The following PARD3B variants were observed in gnomAD, a reference collection of about 807,000 sequenced individuals.
The protein encoded by PARD3B is par-3 family cell polarity regulator beta.
A neutral mutation model predicts 130.2 loss-of-function variants in PARD3B; 103 were observed. The observed-to-expected ratio is 0.79, with a 90% confidence interval of 0.67 to 0.93. PARD3B has a LOEUF of 0.93. Ranked by LOEUF, PARD3B falls within the 40% of genes least tolerant of loss-of-function variation. The pLI, the probability that PARD3B is intolerant of heterozygous loss-of-function variation, is 0.00. For synonymous variants in PARD3B, 583 were observed against 553.2 expected (o/e 1.05, Z -0.76); for missense variants, 1,609 against 1,499.2 (o/e 1.07, Z -1.21).
intron 1 of PARD3B, among the ~76,000 whole-genome samples, chr2:204,559,435 A>G (rs945598317): frequency 5.3e-5 from 8 of 152,376 alleles, no homozygotes; most frequent in African/African-American, 1.9e-4. Context: ...GACACATGAA[A>G]TAATGCTTGT....
intron 18 of PARD3B, among the ~76,000 whole-genome samples, chr2:205,374,123 T>A (rs1018955499): frequency 2.7e-5 from 4 of 150,584 alleles, no homozygotes; most frequent in Admixed American, 2.7e-4. Context: ...GGGAAATGTC[T>A]AAGCTTTTCT....
intron 2 of PARD3B, among the ~76,000 whole-genome samples, chr2:204,735,785 C>T (rs1330541994): frequency 6.6e-6 from 1 of 152,092 alleles, no homozygotes; most frequent in South Asian, 2.1e-4. Flanking sequence ...ATAGGGGAAG[C>T]ATGGTGTGTT....
intron 1 of PARD3B, among the ~76,000 whole-genome samples, chr2:204,644,879 A>C (rs182696475): frequency 7.3e-4 from 111 of 152,330 alleles, no homozygotes; most frequent in African/African-American, 2.6e-3. Context: ...AATAAACATA[A>C]ATGGCAAGTA....
intron 2 of PARD3B, among the ~76,000 whole-genome samples, chr2:204,937,854 C>T (rs2125793453): frequency 6.6e-6 from 1 of 152,320 alleles, no homozygotes; most frequent in East Asian, 1.9e-4. Context: ...AATTCTCCTT[C>T]ATAATTAGAA....
chr2:205,025,711 A>AACCAC (rs1696964848), intron 3 of PARD3B, among the ~76,000 whole-genome samples: 1 of 152,058 alleles, frequency 6.6e-6, no homozygotes, highest in African/African-American at 2.4e-5. Flanking sequence ...ATACATAAAT[A>AACCAC]ACCACACGTC....
chr2:205,126,789 T>TAAA (rs2031479097), intron 10 of PARD3B, among the ~76,000 whole-genome samples: 1 of 124,680 alleles, frequency 8.0e-6, no homozygotes, highest in African/African-American at 3.4e-5. Flanking sequence ...AAAAAAAAAT[T>TAAA]GATAATAGCA....
At chr2:205,434,013 A>G (rs373284389) in intron 19 of PARD3B, among the ~76,000 whole-genome samples, 4 of 152,260 alleles carry the variant, frequency 2.6e-5, no homozygotes, top group South Asian at 4.1e-4. Context: ...TCTTTTTTCA[A>G]TTCACCTGAG....
At chr2:205,198,971 T>G (rs372292417) in intron 15 of PARD3B, among the ~76,000 whole-genome samples, 1 of 152,238 alleles carries the variant, frequency 6.6e-6, no homozygotes, top group East Asian at 1.9e-4. Context: ...GATACAACTT[T>G]GACTTAAAGA....
intron 2 of PARD3B, among the ~76,000 whole-genome samples, chr2:204,849,353 GT>G (rs2044610505): frequency 6.6e-6 from 1 of 152,168 alleles, no homozygotes; most frequent in South Asian, 2.1e-4. Flanking sequence ...TGGTAAATAT[GT>G]TTGTAATTAA....
At chr2:204,565,479 T>C (rs984324925) in intron 1 of PARD3B, among the ~76,000 whole-genome samples, 1 of 152,256 alleles carries the variant, frequency 6.6e-6, no homozygotes, top group Non-Finnish European at 1.5e-5. Context: ...ATTAGTTCAC[T>C]GAGTTGTATC....
intron 3 of PARD3B, among the ~76,000 whole-genome samples, chr2:204,995,064 A>C (rs952584820): frequency 1.8e-4 from 27 of 151,248 alleles, no homozygotes; most frequent in Non-Finnish European, 2.8e-4. Context: ...TTAATTGGAG[A>C]ATTTAGTTCA....
intron 19 of PARD3B, among the ~76,000 whole-genome samples, chr2:205,436,564 T>G (rs2047523334): frequency 1.3e-5 from 2 of 152,128 alleles, no homozygotes; most frequent in Admixed American, 6.6e-5. Context: ...TATATTATCT[T>G]CTACGGAAGT....
At chr2:205,390,566 A>C (rs2105976271) in intron 18 of PARD3B, among the ~76,000 whole-genome samples, 1 of 152,292 alleles carries the variant, frequency 6.6e-6, no homozygotes, top group East Asian at 1.9e-4. Flanking sequence ...TATAAAGATA[A>C]GTTTTACTCC....
chr2:205,036,427 A>G, intron 3 of PARD3B, among the ~76,000 whole-genome samples: 1 of 147,952 alleles, frequency 6.8e-6, no homozygotes, highest in Middle Eastern at 3.6e-3. Context: ...ATATAAAAAT[A>G]TATGTATATA....
chr2:205,015,233 TAAGG>T lies in PARD3B; in HGVS notation c.395-32344_395-32341del, dbSNP rs1559356961. Reference sequence around the variant, plus strand: ...AAAGAAAAAATTATCAAGGAAATCATAAGGAAGACAAAATATATTTACTATTCAT... The same window carrying T: ...AAAGAAAAAATTATCAAGGAAATCATAAGACAAAATATATTTACTATTCAT... On this transcript the variant is annotated intron_variant, in intron 3 of 22. Transcript: ENST00000406610. The surrounding 1 kb of genome is among the most constrained non-coding windows in gnomAD (Gnocchi z 4.5). Among the ~76,000 whole-genome samples, 1 of 152,152 alleles carries T rather than the reference TAAGG, an allele frequency of 6.6e-6. No homozygotes were observed. Among genetic ancestry groups the T allele is most frequent in the Non-Finnish European group, 1.5e-5 (1 of 68,020 alleles).
chr2:204,667,949 A>G (rs2036101831), intron 1 of PARD3B, among the ~76,000 whole-genome samples: 1 of 152,214 alleles, frequency 6.6e-6, no homozygotes, highest in Non-Finnish European at 1.5e-5. Flanking sequence ...AGGTGTATAT[A>G]TAAAGAGAGT....
intron 14 of PARD3B, among the ~76,000 whole-genome samples, chr2:205,191,485 C>G (rs780997164): frequency 4.6e-5 from 7 of 152,052 alleles, no homozygotes; most frequent in Non-Finnish European, 8.8e-5. Flanking sequence ...CTGACAAAAA[C>G]AGAGATGTCA....
At position 204,943,188 on chromosome 2, in the gene PARD3B, A is replaced by G. The variant is rs758638343; in HGVS notation, c.223-21964A>G. ...TGTGTATGTGTATGCATATATATAT[A>G]TGTGTGTGTATATATATATAATATG... is the stretch of plus-strand genomic sequence containing the variant. On this transcript the variant is annotated intron_variant, in intron 2 of 22. Coordinates refer to ENST00000406610, the MANE Select transcript of PARD3B (RefSeq NM_001302769.2). This position sits in a 1 kb window ranked among gnomAD's most constrained non-coding sequence, Gnocchi z 4.2. Among the ~76,000 whole-genome samples, 21 of 151,836 alleles carry G rather than the reference A, an allele frequency of 1.4e-4. No individual in the cohort carries two copies. Among genetic ancestry groups the G allele is most frequent in the South Asian group, 2.1e-4 (1 of 4,812 alleles).
chr2:204,674,423 A>G (rs990717055), intron 1 of PARD3B, among the ~76,000 whole-genome samples: 15 of 151,424 alleles, frequency 9.9e-5, no homozygotes, highest in African/African-American at 2.7e-4. Flanking sequence ...TAACAGTAGC[A>G]GGTAGTATTA....
Sources: allele counts gnomAD v4.1 joint callset (sites outside exome capture counted in the v4.1 genomes callset), GRCh38; gene constraint gnomAD v4.1.1; non-coding constraint Gnocchi (gnomAD v3.1); transcripts MANE v1.5; gene names NCBI Gene and HGNC (gene_info 2026-07-23, HGNC 2026-07-21).